The following SMARCAL1 variants were observed in gnomAD, a reference collection of about 807,000 sequenced individuals.
SMARCAL1 encodes SNF2 related chromatin remodeling annealing helicase 1, also known as ATP-driven annealing helicase.
A neutral mutation model predicts 94.5 loss-of-function variants in SMARCAL1; 58 were observed. That is an observed-to-expected ratio of 0.61 (90% confidence interval 0.50 to 0.76). The LOEUF (loss-of-function observed/expected upper bound fraction) is 0.76, where lower values mean the gene tolerates loss of function less well. Among genes scored for constraint, SMARCAL1 ranks in the 30% least tolerant of loss-of-function variants. The pLI is 0.00. For missense variants in SMARCAL1, 1,051 were observed against 1,177.9 expected, an observed-to-expected ratio of 0.89 and a Z score of 1.58; for synonymous variants, 422 against 455.1, an observed-to-expected ratio of 0.93 and a Z score of 0.93.
At chr2:216,425,377 G>A (rs1693808832) in intron 6 of SMARCAL1, among the ~76,000 whole-genome samples, 1 of 152,334 alleles carries the variant, frequency 6.6e-6, no homozygotes, top group African/African-American at 2.4e-5. Flanking sequence ...TGGATGATGG[G>A]AATGTGCTGG....
At chr2:216,474,799 G>T (rs1256281518) in intron 14 of SMARCAL1, among the ~76,000 whole-genome samples, 1 of 152,160 alleles carries the variant, frequency 6.6e-6, no homozygotes, top group Non-Finnish European at 1.5e-5. Context: ...ATTCAGGTCA[G>T]ATTAGTGGCT....
intron 10 of SMARCAL1, 29 bp downstream of exon 10, chr2:216,438,514 G>A: frequency 6.3e-7 from 1 of 1,596,376 alleles, no homozygotes. Context: ...TGAGCCCACT[G>A]AGCATTGGCA....
chr2:216,436,123 C>T (rs530070409), intron 9 of SMARCAL1, among the ~76,000 whole-genome samples: 3 of 152,304 alleles, frequency 2.0e-5, no homozygotes, highest in South Asian at 2.1e-4. Context: ...CACTTGCCAC[C>T]ACGCCCAGCT....
intron 12 of SMARCAL1, among the ~76,000 whole-genome samples, chr2:216,458,670 A>G (rs189358593): frequency 2.0e-5 from 3 of 152,346 alleles, no homozygotes. Context: ...TTAGGTATTG[A>G]TAGGACATAT....
Position 216,482,713 on chromosome 2 carries a change from CT to C in SMARCAL1, c.2626-21del. On this transcript the variant is annotated intron_variant, in intron 17 of 17. Transcript: ENST00000357276. The surrounding 1 kb of genome is among the most constrained non-coding windows in gnomAD (Gnocchi z 4.3). Reference sequence around the variant, plus strand: ...TTGGAGCCTGGGCTCTTCCTTTTATCTTTTGTTTTCTTTCTCTGATGAAGGA... The same window carrying C: ...TTGGAGCCTGGGCTCTTCCTTTTATCTTTGTTTTCTTTCTCTGATGAAGGA... The C allele has an allele frequency of 1.2e-6, 2 of 1,614,128 alleles. No individual in the cohort carries two copies. The highest frequency in any genetic ancestry group is 2.2e-5 in the East Asian group (1 of 44,880).
intron 7 of SMARCAL1, among the ~76,000 whole-genome samples, chr2:216,431,893 C>T (rs1053779196): frequency 6.6e-6 from 1 of 152,226 alleles, no homozygotes; most frequent in Non-Finnish European, 1.5e-5. Flanking sequence ...CTTTTCTCGC[C>T]TCTGTCCTCA....
At chr2:216,419,312 T>A (rs1466109993) in intron 4 of SMARCAL1, among the ~76,000 whole-genome samples, 23 of 152,236 alleles carry the variant, frequency 1.5e-4, no homozygotes, top group Non-Finnish European at 2.9e-5. Flanking sequence ...TGTTTCTTAG[T>A]CTTTTTCCTC....
chr2:216,428,934 C>A (rs1693900076), intron 7 of SMARCAL1, 152 bp downstream of exon 7: 1 of 744,564 alleles, frequency 1.3e-6, no homozygotes, highest in Non-Finnish European at 2.3e-6. Flanking sequence ...GCCAGGTGTG[C>A]TGTTACCAAA....
At position 216,475,223 on chromosome 2, in the gene SMARCAL1, C is replaced by A; in HGVS notation, c.2245-46C>A. 1 of 1,606,250 alleles carries A rather than the reference C, an allele frequency of 6.2e-7. No individual in the cohort carries two copies. The highest frequency in any genetic ancestry group is 8.5e-7 in the Non-Finnish European group (1 of 1,175,086). On this transcript the variant is annotated intron_variant, in intron 14 of 17. Transcript: ENST00000357276. This position sits in a 1 kb window ranked among gnomAD's most constrained non-coding sequence, Gnocchi z 4.4. ...TGGCTGGGTGTGGTTTGCTGAGAAG[C>A]CCCCGGGGCTGTTGCCCACCTTGCT...
At chr2:216,454,897 C>T (rs1351929447) in intron 12 of SMARCAL1, among the ~76,000 whole-genome samples, 10 of 152,320 alleles carry the variant, frequency 6.6e-5, no homozygotes, top group African/African-American at 1.4e-4. Flanking sequence ...GGAAGCAGGG[C>T]GAGGCATCGC....
intron 6 of SMARCAL1, among the ~76,000 whole-genome samples, chr2:216,428,301 A>G (rs1352556352): frequency 2.0e-5 from 3 of 152,068 alleles, no homozygotes; most frequent in Non-Finnish European, 1.5e-5. Flanking sequence ...CTGTTTCTCT[A>G]TTGAATAAAG....
chr2:216,436,916 T>A (rs998377272), intron 9 of SMARCAL1, among the ~76,000 whole-genome samples: 1 of 152,062 alleles, frequency 6.6e-6, no homozygotes, highest in African/African-American at 2.4e-5. Flanking sequence ...AAGTTGGAGG[T>A]TATTGAATAA....
chr2:216,453,067 A>G (rs1694484951), intron 12 of SMARCAL1, among the ~76,000 whole-genome samples: 1 of 152,196 alleles, frequency 6.6e-6, no homozygotes. Flanking sequence ...GTTGCCCAGA[A>G]TCCTGCCTAC....
intron 14 of SMARCAL1, among the ~76,000 whole-genome samples, chr2:216,471,730 A>G (rs374083204): frequency 2.6e-5 from 4 of 152,190 alleles, no homozygotes; most frequent in East Asian, 1.9e-4. Flanking sequence ...CGTGCACTCA[A>G]TTTTTCAAAT....
At chr2:216,420,837 C>A (rs1354190303) in intron 5 of SMARCAL1, among the ~76,000 whole-genome samples, 1 of 152,144 alleles carries the variant, frequency 6.6e-6, no homozygotes, top group Non-Finnish European at 1.5e-5. Flanking sequence ...TTTATTTTGG[C>A]CTTTGCAGAG....
intron 12 of SMARCAL1, 31 bp from the exon 13 acceptor site, chr2:216,464,566 C>T: frequency 6.6e-7 from 1 of 1,521,288 alleles, no homozygotes; most frequent in Non-Finnish European, 9.1e-7. Context: ...CAGACTGGGG[C>T]ACTTAACATT....
At position 216,475,198 on chromosome 2, in the gene SMARCAL1, T is replaced by C; in HGVS notation, c.2245-71T>C. On this transcript the variant is annotated intron_variant, in intron 14 of 17. Transcript: ENST00000357276. This position sits in a 1 kb window ranked among gnomAD's most constrained non-coding sequence, Gnocchi z 4.4. ...GGAACCTGGTTCTGTGCTGGAGCTG[T>C]GGCTGGGTGTGGTTTGCTGAGAAGC... 6.6e-7 allele frequency: 1 copy of C among 1,508,512 alleles called. No homozygotes were observed. The highest frequency in any genetic ancestry group is 1.1e-5 in the South Asian group (1 of 88,770). 93.4% of individuals were successfully genotyped at this position (1,508,512 alleles called of 1,614,324 possible).
chr2:216,432,383 G>A (rs1693983274), intron 7 of SMARCAL1, among the ~76,000 whole-genome samples: 1 of 152,078 alleles, frequency 6.6e-6, no homozygotes, highest in South Asian at 2.1e-4. Context: ...CTCCATGTAC[G>A]TCCCCTGTGC....
chr2:216,416,795 C>G (rs112771557), intron 4 of SMARCAL1, among the ~76,000 whole-genome samples: 2 of 152,218 alleles, frequency 1.3e-5, no homozygotes, highest in African/African-American at 2.4e-5. Context: ...CAGCAAACAG[C>G]ACAGATCCTC....
Sources: allele counts gnomAD v4.1 joint callset (sites outside exome capture counted in the v4.1 genomes callset), GRCh38; gene constraint gnomAD v4.1.1; non-coding constraint Gnocchi (gnomAD v3.1); transcripts MANE v1.5; gene names NCBI Gene and HGNC (gene_info 2026-07-23, HGNC 2026-07-21).